Variants in SPRYD4 observed in about 807,000 individuals in gnomAD.
SPRYD4 encodes the protein SPRY domain containing 4, also known as SPRY domain-containing protein 4.
In SPRYD4, 12 loss-of-function variants were observed where a neutral mutation model predicts 16.6. The observed-to-expected ratio is 0.72, with a 90% CI of 0.46 to 1.17. The LOEUF is 1.17. Ranked by LOEUF, SPRYD4 falls within the 50% of genes most tolerant of loss-of-function variation. SPRYD4 has a pLI of 0.00. For synonymous variants in SPRYD4, 98 were observed against 105.4 expected (o/e 0.93, Z 0.43); for missense variants, 260 against 260.2 (o/e 1.00, Z 0.00).
chr12:56,475,498 A>G lies in SPRYD4; in HGVS notation c.*5921A>G. The G allele has an allele frequency of 4.2e-6, 4 of 955,080 alleles. No homozygotes were observed. Among genetic ancestry groups the G allele is most frequent in the Non-Finnish European group, 6.4e-6 (4 of 626,812 alleles). The allele number at this position is 955,080 out of a possible 1,614,324, so 59.2% of individuals were successfully genotyped here. ...TATGAAGGGACTCAGAGGAAGCTGGAGGGCCAAAGTTCCCCTGGGATTTCT... is the reference window on the plus strand; with the variant it reads ...TATGAAGGGACTCAGAGGAAGCTGGGGGGCCAAAGTTCCCCTGGGATTTCT... On this transcript the variant is annotated 3_prime_UTR_variant, in exon 2 of 2. Coordinates refer to ENST00000338146, the MANE Select transcript of SPRYD4 (RefSeq NM_207344.4).
Position 56,478,452 on chromosome 12 carries a change from T to C in SPRYD4, c.*8875T>C. 3.3e-6 allele frequency: 2 copies of C among 602,210 alleles called. No homozygotes were observed. 37.3% of individuals were successfully genotyped at this position (602,210 alleles called of 1,614,324 possible). On this transcript the variant is annotated 3_prime_UTR_variant, in exon 2 of 2. Coordinates refer to ENST00000338146, the MANE Select transcript of SPRYD4 (RefSeq NM_207344.4). ...TCCTAGAAGGCCATATCTTTGTGTA[T>C]CCGCAATCCTGTAGAGATAGCAGTA...
chr12:56,478,241 G>A lies in SPRYD4; in HGVS notation c.*8664G>A. 2 of 1,614,256 alleles carry A rather than the reference G, an allele frequency of 1.2e-6. No homozygotes were observed. The highest frequency in any genetic ancestry group is 1.7e-6 in the Non-Finnish European group (2 of 1,180,052). On this transcript the variant is annotated 3_prime_UTR_variant, in exon 2 of 2. Transcript: ENST00000338146. ...CACAGGTCTGGGTTTGACTTGGCCA[G>A]CTGAGGGATGTAGGCTGCCACCTGG...
In SPRYD4 at chr12:56,477,439, A is replaced by C; in HGVS notation, c.*7862A>C. 1 of 441,210 alleles carries C rather than the reference A, an allele frequency of 2.3e-6. No homozygotes were observed. The highest frequency in any genetic ancestry group is 4.1e-6 in the Non-Finnish European group (1 of 246,000). The allele number at this position is 441,210 out of a possible 1,614,324, so 27.3% of individuals were successfully genotyped here. A position where few individuals can be genotyped will look rare whatever the true frequency, so the allele number is the denominator to read the frequency against. ...AGGCTCTAGACTCATGGGTGGGGGC[A>C]GGGAACAGTACTGAGTGGGGATGAC... is the stretch of plus-strand genomic sequence containing the variant. On this transcript the variant is annotated 3_prime_UTR_variant, in exon 2 of 2. Transcript: ENST00000338146.
Position 56,474,529 on chromosome 12 carries a change from G to A in SPRYD4, c.*4952G>A. On this transcript the variant is annotated 3_prime_UTR_variant, in exon 2 of 2. Transcript: ENST00000338146. ...CTGGGCTCATGACAGATGGATAGCA[G>A]AGCCAGAAACTCACGTGGAAGGCAA... The A allele has an allele frequency of 6.2e-7, 1 of 1,613,402 alleles. No individual in the cohort carries two copies.
chr12:56,474,708 C>A lies in SPRYD4; in HGVS notation c.*5131C>A. On this transcript the variant is annotated 3_prime_UTR_variant, in exon 2 of 2. Transcript: ENST00000338146. Reference sequence around the variant, plus strand: ...ACACTGCCTGATTCACAAGTGACCTCCACAGAACACAGCTATGAAAACAAA... The same window carrying A: ...ACACTGCCTGATTCACAAGTGACCTACACAGAACACAGCTATGAAAACAAA... 1 of 1,610,396 alleles carries A rather than the reference C, an allele frequency of 6.2e-7. No individual in the cohort carries two copies. Among genetic ancestry groups the A allele is most frequent in the South Asian group, 1.1e-5 (1 of 90,648 alleles).
Position 56,475,183 on chromosome 12 carries a change from C to T in SPRYD4, c.*5606C>T, listed in dbSNP as rs1565703244. 1 of 1,607,478 alleles carries T rather than the reference C, an allele frequency of 6.2e-7. No homozygotes were observed. On this transcript the variant is annotated 3_prime_UTR_variant, in exon 2 of 2. Coordinates refer to ENST00000338146, the MANE Select transcript of SPRYD4 (RefSeq NM_207344.4). ...TGGGAGAAGGGGAAAAATTACCTTCCCTGGAGAGACAGAACTACATCACAC... is the reference window on the plus strand; with the variant it reads ...TGGGAGAAGGGGAAAAATTACCTTCTCTGGAGAGACAGAACTACATCACAC...
chr12:56,468,882 C>G (rs1479101307), intron 1 of SPRYD4, 157 bp from the exon 2 acceptor site: 6 of 1,079,116 alleles, frequency 5.6e-6, no homozygotes, highest in Non-Finnish European at 7.8e-6. Context: ...CGTGAGCTAT[C>G]CGTAGTAAAG....
Position 56,479,632 on chromosome 12 carries a change from G to T in SPRYD4, c.*10055G>T. ...ATTTCTATATTGTTTGAACTCTTAT[G>T]ATGAGTATTCATGTATAACTTATGT... On this transcript the variant is annotated 3_prime_UTR_variant, in exon 2 of 2. Coordinates refer to ENST00000338146, the MANE Select transcript of SPRYD4 (RefSeq NM_207344.4). 1.1e-6 allele frequency: 1 copy of T among 922,314 alleles called. No individual in the cohort carries two copies. The highest frequency in any genetic ancestry group is 1.5e-6 in the Non-Finnish European group (1 of 657,428). 57.1% of individuals were successfully genotyped at this position (922,314 alleles called of 1,614,324 possible).
rs1359384704 is a variant in SPRYD4, at chr12:56,478,062, G to A, written c.*8485G>A. The stretch of plus-strand genomic sequence containing the variant: ...GTGAGGGGCTTCACACAGGACTGCA[G>A]GCAGAAGGGGATCTTTGTGTGGCCC... On this transcript the variant is annotated 3_prime_UTR_variant, in exon 2 of 2. Coordinates refer to ENST00000338146, the MANE Select transcript of SPRYD4 (RefSeq NM_207344.4). 6.2e-7 allele frequency: 1 copy of A among 1,614,108 alleles called. No individual in the cohort carries two copies. Among genetic ancestry groups the A allele is most frequent in the African/African-American group, 1.3e-5 (1 of 74,946 alleles).
chr12:56,477,952 C>T lies in SPRYD4; in HGVS notation c.*8375C>T. ...GCTCACCTTCCTCATTGAGGGAGAG[C>T]TTGTTGTAGCGCAGGCCACTTGGCT... On this transcript the variant is annotated 3_prime_UTR_variant, in exon 2 of 2. Coordinates refer to ENST00000338146, the MANE Select transcript of SPRYD4 (RefSeq NM_207344.4). The T allele has an allele frequency of 6.2e-7, 1 of 1,613,490 alleles. No homozygotes were observed. The highest frequency in any genetic ancestry group is 8.5e-7 in the Non-Finnish European group (1 of 1,179,588).
Position 56,475,852 on chromosome 12 carries a change from C to T in SPRYD4, c.*6275C>T. On this transcript the variant is annotated 3_prime_UTR_variant, in exon 2 of 2. Coordinates refer to ENST00000338146, the MANE Select transcript of SPRYD4 (RefSeq NM_207344.4). ...AGGCTTCTAGTATGGGCTGGTGCACCTGGTAGTGGGGTTAGAGAGCCACTG... is the reference window on the plus strand; with the variant it reads ...AGGCTTCTAGTATGGGCTGGTGCACTTGGTAGTGGGGTTAGAGAGCCACTG... 1 of 1,454,234 alleles carries T rather than the reference C, an allele frequency of 6.9e-7. No homozygotes were observed. Among genetic ancestry groups the T allele is most frequent in the Non-Finnish European group, 9.7e-7 (1 of 1,035,848 alleles). 90.1% of individuals were successfully genotyped at this position (1,454,234 alleles called of 1,614,324 possible).
Position 56,472,600 on chromosome 12 carries a change from G to C in SPRYD4, c.*3023G>C, listed in dbSNP as rs976995335. On this transcript the variant is annotated 3_prime_UTR_variant, in exon 2 of 2. Coordinates refer to ENST00000338146, the MANE Select transcript of SPRYD4 (RefSeq NM_207344.4). ...CTATATCCATTCTAATTCCAAAGCT[G>C]AAGCACTTAACTATTTTGTTACGCT... is the stretch of plus-strand genomic sequence containing the variant. The C allele has an allele frequency of 1.7e-6, 2 of 1,182,486 alleles. No individual in the cohort carries two copies. Among genetic ancestry groups the C allele is most frequent in the East Asian group, 4.8e-5 (2 of 41,998 alleles). 73.2% of individuals were successfully genotyped at this position (1,182,486 alleles called of 1,614,324 possible). A position where few individuals can be genotyped will look rare whatever the true frequency, so the allele number is the denominator to read the frequency against.
Position 56,471,883 on chromosome 12 carries a change from C to G in SPRYD4, c.*2306C>G, listed in dbSNP as rs953259692. Reference sequence around the variant, plus strand: ...AAATGAGAAGGCGCAGGTCTTGAACCCTTTGGTGCAGACACTTAGCCACTG... The same window carrying G: ...AAATGAGAAGGCGCAGGTCTTGAACGCTTTGGTGCAGACACTTAGCCACTG... On this transcript the variant is annotated 3_prime_UTR_variant, in exon 2 of 2. Coordinates refer to ENST00000338146, the MANE Select transcript of SPRYD4 (RefSeq NM_207344.4). 4 of 1,588,322 alleles carry G rather than the reference C, an allele frequency of 2.5e-6. No homozygotes were observed. The Admixed American group carries it at 6.7e-5, about 26-fold the overall frequency.
chr12:56,474,255 A>C lies in SPRYD4; in HGVS notation c.*4678A>C. ...CAGGTGCACACCACCACCCCCGGCT[A>C]ATTTTTTGTATTTAGTAGAGATGGG... On this transcript the variant is annotated 3_prime_UTR_variant, in exon 2 of 2. Coordinates refer to ENST00000338146, the MANE Select transcript of SPRYD4 (RefSeq NM_207344.4). 2.7e-6 allele frequency: 1 copy of C among 376,546 alleles called. No homozygotes were observed. Among genetic ancestry groups the C allele is most frequent in the Non-Finnish European group, 5.0e-6 (1 of 200,074 alleles). 23.3% of individuals were successfully genotyped at this position (376,546 alleles called of 1,614,324 possible).
Position 56,477,846 on chromosome 12 carries a change from C to T in SPRYD4, c.*8269C>T. On this transcript the variant is annotated 3_prime_UTR_variant, in exon 2 of 2. Coordinates refer to ENST00000338146, the MANE Select transcript of SPRYD4 (RefSeq NM_207344.4). ...GCATGACAGGGCTAATCAGGAAGGG[C>T]AGAGAAACAAAAAAGGCTGGGAGAT... is the stretch of plus-strand genomic sequence containing the variant. 6.5e-7 allele frequency: 1 copy of T among 1,549,124 alleles called. No homozygotes were observed. Among genetic ancestry groups the T allele is most frequent in the Non-Finnish European group, 8.8e-7 (1 of 1,140,194 alleles).
chr12:56,474,617 TC>T lies in SPRYD4; in HGVS notation c.*5041del. On this transcript the variant is annotated 3_prime_UTR_variant, in exon 2 of 2. Transcript: ENST00000338146. The stretch of plus-strand genomic sequence containing the variant: ...GAGGCTGAGGGTGTTGCGCACTGCT[TC>T]AGCACTCAGCACACTCTCGCCTGTG... 6.2e-7 allele frequency: 1 copy of T among 1,614,182 alleles called. No individual in the cohort carries two copies. Among genetic ancestry groups the T allele is most frequent in the Non-Finnish European group, 8.5e-7 (1 of 1,180,040 alleles).
intron 1 of SPRYD4, 96 bp downstream of exon 1, chr12:56,468,772 C>CT: frequency 7.5e-7 from 1 of 1,338,660 alleles, no homozygotes; most frequent in Non-Finnish European, 1.1e-6. Context: ...CCTCTCGGGT[C>CT]TTTTCCTTCC....
In SPRYD4 at chr12:56,475,685, G is replaced by A; in HGVS notation, c.*6108G>A. ...ATTTTGTTGAGATACTGCAACACCTGGAAGAGAAAAAGGGACATTGAGGCT... is the reference window on the plus strand; with the variant it reads ...ATTTTGTTGAGATACTGCAACACCTAGAAGAGAAAAAGGGACATTGAGGCT... On this transcript the variant is annotated 3_prime_UTR_variant, in exon 2 of 2. Coordinates refer to ENST00000338146, the MANE Select transcript of SPRYD4 (RefSeq NM_207344.4). 1.9e-6 allele frequency: 3 copies of A among 1,614,042 alleles called. No homozygotes were observed. Among genetic ancestry groups the A allele is most frequent in the Non-Finnish European group, 2.5e-6 (3 of 1,179,954 alleles).
In SPRYD4 at chr12:56,469,769, C is replaced by T. The variant is rs1869158905; in HGVS notation, c.*192C>T. The T allele has an allele frequency of 3.7e-6, 2 of 546,572 alleles. No homozygotes were observed. Among genetic ancestry groups the T allele is most frequent in the East Asian group, 6.3e-5 (2 of 31,712 alleles). 33.9% of individuals were successfully genotyped at this position (546,572 alleles called of 1,614,324 possible). On this transcript the variant is annotated 3_prime_UTR_variant, in exon 2 of 2. Transcript: ENST00000338146. Reference sequence around the variant, plus strand: ...AGGCATACAGCCAAACCCTCCTTTTCCCCACCCACCAACTACTGCCAATTT... The same window carrying T: ...AGGCATACAGCCAAACCCTCCTTTTTCCCACCCACCAACTACTGCCAATTT...
Sources: gnomAD v4.1 joint callset for allele counts on GRCh38, gnomAD v4.1.1 for gene constraint, MANE v1.5 for transcripts, NCBI Gene and HGNC (gene_info 2026-07-23, HGNC 2026-07-21) for gene names.